PTPN21: variants seen among roughly 807,000 people sequenced by gnomAD.
PTPN21 encodes protein tyrosine phosphatase non-receptor type 21, also known as tyrosine-protein phosphatase non-receptor type 21.
Under a neutral mutation model 131.8 loss-of-function variants are expected in PTPN21, and 77 were observed. The observed-to-expected ratio is 0.58, with a 90% CI of 0.49 to 0.71. The LOEUF is 0.71. Ranked by LOEUF, PTPN21 falls within the 30% of genes least tolerant of loss-of-function variation. PTPN21 has a pLI of 0.00. For missense variants in PTPN21, 1,552 were observed against 1,527.1 expected (o/e 1.02, Z -0.27); for synonymous variants, 715 against 621.3 (o/e 1.15, Z -2.24).
rs540950963 is a variant in PTPN21 at position 88,554,937 on chromosome 14, G to T, written c.-489C>A. 6.6e-6 allele frequency among the ~76,000 whole-genome samples: 1 copy of T among 151,788 alleles called. No homozygotes were observed. The highest frequency in any genetic ancestry group is 2.4e-5 in the African/African-American group (1 of 41,518). ...AGCCCCGTGGGGGCGGGGGGTGGCAGGAGGACGGACAGACCGTCGGACCGA... is the reference window on the plus strand; with the variant it reads ...AGCCCCGTGGGGGCGGGGGGTGGCATGAGGACGGACAGACCGTCGGACCGA... On this transcript the variant is annotated 5_prime_UTR_variant, in exon 1 of 19. The change creates a new upstream start codon in the 5' untranslated region. Coordinates refer to ENST00000556564, the MANE Select transcript of PTPN21 (RefSeq NM_007039.4).
chr14:88,522,091 A>G (rs2078402796), intron 2 of PTPN21, among the ~76,000 whole-genome samples: 1 of 152,176 alleles, frequency 6.6e-6, no homozygotes, highest in Non-Finnish European at 1.5e-5. Flanking sequence ...CATAGAAGAG[A>G]GTAGCGAGAA....
At chr14:88,525,418 T>A (rs771250552) in intron 2 of PTPN21, among the ~76,000 whole-genome samples, 1 of 152,038 alleles carries the variant, frequency 6.6e-6, no homozygotes, top group Non-Finnish European at 1.5e-5. Flanking sequence ...CTTACACACT[T>A]TTTGAAAAAA....
intron 2 of PTPN21, among the ~76,000 whole-genome samples, chr14:88,536,601 T>C (rs962159804): frequency 7.2e-5 from 11 of 152,224 alleles, no homozygotes; most frequent in African/African-American, 2.4e-4. Flanking sequence ...TGTCAGAATG[T>C]AAACCCTTTC....
chr14:88,494,925 A>C (rs1449024859), intron 10 of PTPN21, among the ~76,000 whole-genome samples: 1 of 146,480 alleles, frequency 6.8e-6, no homozygotes, highest in African/African-American at 2.5e-5. Context: ...AGGCAGGAGA[A>C]TCACTTGAAC....
intron 2 of PTPN21, among the ~76,000 whole-genome samples, chr14:88,539,188 A>T (rs1385153549): frequency 6.6e-6 from 1 of 151,292 alleles, no homozygotes; most frequent in Non-Finnish European, 1.5e-5. Context: ...GGTTCAAGCA[A>T]TTCTCCTGCC....
chr14:88,483,128 C>T (rs1389989954), intron 12 of PTPN21, among the ~76,000 whole-genome samples: 4 of 149,952 alleles, frequency 2.7e-5, no homozygotes, highest in African/African-American at 7.4e-5. Context: ...AGGAGAATGG[C>T]GTGAACCCAG....
chr14:88,513,217 T>C (rs1054494448), intron 3 of PTPN21, among the ~76,000 whole-genome samples: 10 of 152,178 alleles, frequency 6.6e-5, no homozygotes, highest in African/African-American at 2.4e-4. Context: ...CAGGCTGGAG[T>C]GCAGTAGCGT....
intron 10 of PTPN21, among the ~76,000 whole-genome samples, chr14:88,495,624 A>G (rs1174872684): frequency 6.6e-6 from 1 of 152,160 alleles, no homozygotes; most frequent in Non-Finnish European, 1.5e-5. Context: ...AGCCCCCTAG[A>G]CGAAAGGATT....
chr14:88,486,560 A>G (rs187932196), intron 10 of PTPN21, among the ~76,000 whole-genome samples: 221 of 152,316 alleles, frequency 1.5e-3, no homozygotes, highest in African/African-American at 5.1e-3. Context: ...TATTTTTTAA[A>G]TCTACATTTC....
intron 10 of PTPN21, among the ~76,000 whole-genome samples, chr14:88,486,842 G>C (rs565282918): frequency 1.2e-4 from 19 of 152,010 alleles, no homozygotes; most frequent in Admixed American, 3.3e-4. Flanking sequence ...TGGGCATGGT[G>C]GTGGGTGCCT....
rs149397710 is a variant in PTPN21 at position 88,499,657 on chromosome 14, C to CA, written c.764+1125dup. Among the ~76,000 whole-genome samples the CA allele has an allele frequency of 2.3e-3, 346 of 152,142 alleles. 4 individuals carry two copies. Among genetic ancestry groups the CA allele is most frequent in the African/African-American group, 7.9e-3 (329 of 41,518 alleles). On this transcript the variant is annotated intron_variant, in intron 8 of 18. Transcript: ENST00000556564. ...TGAAGATTACACTAAAAAAAATTCA[C>CA]AAAAAATGCTCAGCATAGTTTATCT...
chr14:88,496,282 T>C (rs1250016980), intron 10 of PTPN21, 131 bp downstream of exon 10: 1 of 769,964 alleles, frequency 1.3e-6, no homozygotes, highest in African/African-American at 1.8e-5. Context: ...AAAGCTAAAA[T>C]AGGAAAACAG....
intron 4 of PTPN21, among the ~76,000 whole-genome samples, chr14:88,507,433 A>C (rs2139287777): frequency 6.6e-6 from 1 of 152,252 alleles, no homozygotes; most frequent in East Asian, 1.9e-4. Flanking sequence ...ATAGCCTACT[A>C]CACACCTAGG....
rs892943476 is a variant in PTPN21 at position 88,469,105 on chromosome 14, A to T, written c.3236-29T>A. 8 of 1,595,804 alleles carry T rather than the reference A, an allele frequency of 5.0e-6. No homozygotes were observed. The African/African-American group carries it at 1.1e-4, about 21-fold the overall frequency. On this transcript the variant is annotated intron_variant, in intron 17 of 18. Coordinates refer to ENST00000556564, the MANE Select transcript of PTPN21 (RefSeq NM_007039.4). The surrounding 1 kb of genome is among the most constrained non-coding windows in gnomAD (Gnocchi z 4.3). ...TGGAAAATCAATGAAATAGAAAAGT[A>T]CTCAAGGATCAAGGCGTATCACATT...
At chr14:88,521,247 A>G (rs1264668146) in intron 2 of PTPN21, among the ~76,000 whole-genome samples, 2 of 152,136 alleles carry the variant, frequency 1.3e-5, no homozygotes, top group East Asian at 3.9e-4. Context: ...AAAATTACCT[A>G]CATGTATTTG....
At chr14:88,519,588 A>C (rs1187215523) in intron 2 of PTPN21, among the ~76,000 whole-genome samples, 1 of 152,216 alleles carries the variant, frequency 6.6e-6, no homozygotes, top group East Asian at 1.9e-4. Context: ...TTTAATTTGC[A>C]AGGGAAAAGA....
At chr14:88,546,652 T>C (rs950627776) in intron 2 of PTPN21, among the ~76,000 whole-genome samples, 2 of 152,018 alleles carry the variant, frequency 1.3e-5, no homozygotes, top group Non-Finnish European at 2.9e-5. Context: ...TTTCCCTCCA[T>C]TTATATTTGG....
Position 88,473,717 on chromosome 14 carries a change from G to C in PTPN21, c.2597C>G (p.Pro866Arg), listed in dbSNP as rs2077505098. ...ALNGLSLSRV[P>R]LPDEGKEVAT... ...CACTTCCTTTCCTTCATCAGGCAGA[G>C]GCACTCGAGATAGGGAGAGTCCATT... is the stretch of plus-strand genomic sequence containing the variant. Residue 866 changes from proline to arginine, a missense_variant, in exon 14 of 19, where the codon CCT becomes CGT. Pro to Arg is a moderately radical substitution (Grantham distance 103). This residue lies in a region of PTPN21 where 316 missense variants were observed against 378.5 expected (regional missense o/e 0.83). Coordinates refer to ENST00000556564, the MANE Select transcript of PTPN21 (RefSeq NM_007039.4). 2 of 1,612,942 alleles carry C rather than the reference G, an allele frequency of 1.2e-6. No individual in the cohort carries two copies. Among genetic ancestry groups the C allele is most frequent in the African/African-American group, 2.7e-5 (2 of 74,674 alleles).
chr14:88,531,684 A>G (rs2078557354), intron 2 of PTPN21, among the ~76,000 whole-genome samples: 1 of 152,212 alleles, frequency 6.6e-6, no homozygotes, highest in Non-Finnish European at 1.5e-5. Flanking sequence ...AAGAGCACAC[A>G]GACAATCTAT....
Sources: gnomAD v4.1 joint callset for allele counts (sites outside exome capture counted in the v4.1 genomes callset) on GRCh38, gnomAD v4.1.1 for gene constraint, gnomAD v4.1.1 regional missense constraint, Gnocchi (gnomAD v3.1) non-coding constraint, MANE v1.5 for transcripts, NCBI Gene and HGNC (gene_info 2026-07-23, HGNC 2026-07-21) for gene names.